Variants in CCDC30 observed in about 807,000 individuals in gnomAD.
The protein encoded by CCDC30 is coiled-coil domain-containing protein 30.
A neutral mutation model predicts 100.2 loss-of-function variants in CCDC30; 70 were observed. The ratio of observed to expected loss-of-function variants is 0.70; its 90% CI spans 0.58 to 0.85. CCDC30 has a LOEUF of 0.85. CCDC30 is among the 40% of genes least tolerant of loss of function. CCDC30 has a pLI of 0.00. For synonymous variants in CCDC30, 233 were observed against 269.5 expected (o/e 0.86, Z 1.33); for missense variants, 652 against 771.2 (o/e 0.85, Z 1.83).
At chr1:42,636,965 C>CAAAAAAAAAAAA (rs1166253995) in intron 11 of CCDC30, among the ~76,000 whole-genome samples, 11 of 29,514 alleles carry the variant, frequency 3.7e-4, no homozygotes, top group East Asian at 2.9e-3. Context: ...GACTCCATCT[C>CAAAAAAAAAAAA]AAAAAAAAAA....
At chr1:42,462,300 A>G (rs1643433555), upstream of CCDC30, among the ~76,000 whole-genome samples, 1 of 152,204 alleles carries the variant, frequency 6.6e-6, no homozygotes, top group South Asian at 2.1e-4. Context: ...GAGGGTAACT[A>G]AGAACCTGAT....
At chr1:42,654,861 C>T (rs868026491), downstream of CCDC30, among the ~76,000 whole-genome samples, 6 of 151,402 alleles carry the variant, frequency 4.0e-5, no homozygotes, top group African/African-American at 7.3e-5. Flanking sequence ...TATAGGTGCC[C>T]GCCACCATGC....
chr1:42,544,158 G>C (rs1040055908), intron 6 of CCDC30, among the ~76,000 whole-genome samples: 1 of 152,182 alleles, frequency 6.6e-6, no homozygotes, highest in Non-Finnish European at 1.5e-5. Context: ...CTCCCAAAGT[G>C]CTAGGATTAC....
chr1:42,539,126 A>C (rs553817334), intron 6 of CCDC30, 47 bp from the exon 8 acceptor site: 19 of 1,390,400 alleles, frequency 1.4e-5, no homozygotes, highest in Non-Finnish European at 1.7e-5. Flanking sequence ...TTTATGGGGG[A>C]AAATAGTCTT....
intron 9 of CCDC30, among the ~76,000 whole-genome samples, chr1:42,582,206 G>A (rs185729057): frequency 2.0e-5 from 3 of 152,136 alleles, no homozygotes; most frequent in Admixed American, 1.3e-4. Flanking sequence ...CTCTGGACTG[G>A]GTGGCAGAAT....
Position 42,625,362 on chromosome 1 carries a change from G to A in CCDC30, c.1278-11875G>A, listed in dbSNP as rs891455662. ...TCTTTTGTATTGTTTTCTTCATTTC[G>A]ATTTCATTTATCTCTGCTCTGATCT... On this transcript the variant is annotated intron_variant, in intron 11 of 16. Coordinates refer to ENST00000668663, the Ensembl canonical transcript of CCDC30. 5.3e-5 allele frequency among the ~76,000 whole-genome samples: 8 copies of A among 151,480 alleles called. No homozygotes were observed. In the East Asian group the frequency reaches 1.4e-3, roughly 26 times the overall value.
At chr1:42,545,615 CAG>C (rs1645112860) in intron 6 of CCDC30, 36 bp downstream of exon 9, 3 of 1,538,582 alleles carry the variant, frequency 1.9e-6, no homozygotes, top group South Asian at 2.4e-5. Context: ...ATTAATTATT[CAG>C]AGAGGGTATA....
intron 6 of CCDC30, among the ~76,000 whole-genome samples, chr1:42,548,121 G>A (rs1645180728): frequency 6.6e-6 from 1 of 152,168 alleles, no homozygotes; most frequent in South Asian, 2.1e-4. Flanking sequence ...TGTGAAGAGA[G>A]GAAATGGGGA....
At chr1:42,610,335 A>G (rs915678935) in intron 10 of CCDC30, among the ~76,000 whole-genome samples, 3 of 152,258 alleles carry the variant, frequency 2.0e-5, no homozygotes, top group Admixed American at 2.0e-4. Context: ...AGTCACTTAT[A>G]GAACCAAATA....
At chr1:42,492,406 G>C (rs577726530) in intron 4 of CCDC30, 2 of 191,856 alleles carry the variant, frequency 1.0e-5, no homozygotes, top group African/African-American at 4.8e-5. Context: ...AATTCATGAA[G>C]GTAATTGTTC....
In CCDC30 at chr1:42,492,503, C is replaced by A; in HGVS notation, c.241+2274C>A. On this transcript the variant is annotated intron_variant, in intron 4 of 16. Coordinates refer to ENST00000668663, the Ensembl canonical transcript of CCDC30. ...CTGGTCCAAGAATCTGTTTAAAGTT[C>A]AAAATTTAAAAAAAAGGCCATCCTG... 2.0e-5 allele frequency: 3 copies of A among 153,202 alleles called. No homozygotes were observed. In the South Asian group the frequency reaches 5.4e-4, roughly 27 times the overall value. 9.5% of individuals were successfully genotyped at this position (153,202 alleles called of 1,614,324 possible). A position where few individuals can be genotyped will look rare whatever the true frequency, so the allele number is the denominator to read the frequency against.
intron 12 of CCDC30, among the ~76,000 whole-genome samples, 189 bp from the exon 17 acceptor site, chr1:42,642,284 T>C (rs928151457): frequency 2.7e-5 from 4 of 150,898 alleles, no homozygotes; most frequent in African/African-American, 9.8e-5. Flanking sequence ...TAAAATAACC[T>C]CTTGAAAATT....
chr1:42,575,879 C>T (rs1475292517), intron 7 of CCDC30, among the ~76,000 whole-genome samples: 1 of 152,048 alleles, frequency 6.6e-6, no homozygotes, highest in Non-Finnish European at 1.5e-5. Context: ...GCAGAATAGG[C>T]AGGCAACCAT....
chr1:42,566,660 A>G (rs898006017), intron 7 of CCDC30, among the ~76,000 whole-genome samples, 185 bp downstream of exon 11: 2 of 152,196 alleles, frequency 1.3e-5, no homozygotes, highest in African/African-American at 4.8e-5. Flanking sequence ...ATCAACCTGT[A>G]AATAGAAAAA....
At position 42,545,409 on chromosome 1, in the gene CCDC30, G is replaced by T; in HGVS notation, c.457-20887G>T. On this transcript the variant is annotated intron_variant, in intron 6 of 16. Transcript: ENST00000668663. ...TATTTGTCTTTCACTTAATTTTGCA[G>T]GTCTTGAAGCTTTCACAAGAATTTG... 1 of 1,554,842 alleles carries T rather than the reference G, an allele frequency of 6.4e-7. No homozygotes were observed. Among genetic ancestry groups the T allele is most frequent in the South Asian group, 1.2e-5 (1 of 80,662 alleles).
At chr1:42,526,983 G>A (rs575864134) in intron 6 of CCDC30, among the ~76,000 whole-genome samples, 30 of 152,024 alleles carry the variant, frequency 2.0e-4, no homozygotes, top group African/African-American at 7.2e-4. Flanking sequence ...GTTTTTTTGC[G>A]TGTGTTCACC....
chr1:42,489,232 G>A (rs192103190), intron 3 of CCDC30, among the ~76,000 whole-genome samples: 33 of 152,302 alleles, frequency 2.2e-4, no homozygotes, highest in African/African-American at 6.7e-4. Context: ...GTTGTGTAAT[G>A]TTGAGCAACT....
At chr1:42,502,526 A>G (rs537113203) in intron 6 of CCDC30, among the ~76,000 whole-genome samples, 5 of 152,188 alleles carry the variant, frequency 3.3e-5, no homozygotes, top group Non-Finnish European at 7.3e-5. Flanking sequence ...TCAGTTGGAA[A>G]TGCAGAAATC....
At chr1:42,655,199 A>G (rs371710393), downstream of CCDC30, among the ~76,000 whole-genome samples, 5 of 152,292 alleles carry the variant, frequency 3.3e-5, no homozygotes, top group African/African-American at 1.2e-4. Context: ...TTTTATGGGA[A>G]AAGTTTTAAA....
Sources: allele counts gnomAD v4.1 joint callset (sites outside exome capture counted in the v4.1 genomes callset), GRCh38; gene constraint gnomAD v4.1.1; transcripts MANE v1.5; gene names NCBI Gene and HGNC (gene_info 2026-07-23, HGNC 2026-07-21).